The following PGGHG variants were observed in gnomAD, a reference collection of about 807,000 sequenced individuals.
PGGHG encodes ATH1, acid trehalase-like 1.
Under a neutral mutation model 74.5 loss-of-function variants are expected in PGGHG, and 67 were observed. The observed-to-expected ratio is 0.90, with a 90% confidence interval of 0.74 to 1.10. The LOEUF (loss-of-function observed/expected upper bound fraction) is 1.10, where lower values mean the gene tolerates loss of function less well. PGGHG is among the 50% of genes least tolerant of loss of function. The pLI is 0.00. For synonymous variants in PGGHG, 496 were observed against 419.9 expected (o/e 1.18, Z -2.21); for missense variants, 1,034 against 981.5 (o/e 1.05, Z -0.72).
rs1249244188 is a variant in PGGHG, at chr11:289,540, G to A, written c.-13-264G>A. 1 of 511,858 alleles carries A rather than the reference G, an allele frequency of 2.0e-6. No homozygotes were observed. Among genetic ancestry groups the A allele is most frequent in the East Asian group, 3.3e-5 (1 of 30,102 alleles). 31.7% of individuals were successfully genotyped at this position (511,858 alleles called of 1,614,324 possible). A position where few individuals can be genotyped will look rare whatever the true frequency, so the allele number is the denominator to read the frequency against. On this transcript the variant is annotated intron_variant, in intron 1 of 13. Coordinates refer to ENST00000409548, the MANE Select transcript of PGGHG (RefSeq NM_025092.5). The surrounding 1 kb of genome is among the most constrained non-coding windows in gnomAD (Gnocchi z 5.6). ...CGTTTGGAAAGCAGGGTTAGGACTG[G>A]AATTCTAAGGTAGCAGGAGGGAGAG...
intron 2 of PGGHG, 45 bp from the exon 3 acceptor site, chr11:290,345 G>T (rs779493198): frequency 3.7e-5 from 56 of 1,518,368 alleles, no homozygotes; most frequent in Non-Finnish European, 4.7e-5. Flanking sequence ...GCCCCAGAGA[G>T]GCCATAGCTT....
chr11:291,905 C>T (rs796338598), intron 4 of PGGHG, 71 bp from the exon 5 acceptor site: 71 of 1,519,500 alleles, frequency 4.7e-5, no homozygotes, highest in Admixed American at 2.6e-4. Context: ...TCTGCCGGGG[C>T]GGAATGTGGC....
In PGGHG at chr11:294,629, C is replaced by T; in HGVS notation, c.2094C>T (p.Ser698=). ...CCCCGAAGCTGCCTGGAAGTTCCAG[C>T]TCCGAGTTCCCTGGGAGGACTTTTT... is the stretch of plus-strand genomic sequence containing the variant. The part of the protein sequence containing the change: ...MSPPKLPGSS[S]SEFPGRTFSD... Residue 698 remains serine (S), a synonymous_variant, in exon 14 of 14, where the codon AGC becomes AGT. Transcript: ENST00000409548. The T allele has an allele frequency of 5.3e-6, 8 of 1,518,160 alleles. No homozygotes were observed. The highest frequency in any genetic ancestry group is 7.1e-6 in the Non-Finnish European group (8 of 1,125,748). The allele number at this position is 1,518,160 out of a possible 1,614,324, so 94.0% of individuals were successfully genotyped here. A position where few individuals can be genotyped will look rare whatever the true frequency, so the allele number is the denominator to read the frequency against.
At chr11:291,813 A>T in intron 4 of PGGHG, 163 bp from the exon 5 acceptor site, 1 of 1,041,054 alleles carries the variant, frequency 9.6e-7, no homozygotes, top group Non-Finnish European at 1.3e-6. Context: ...GGCTGGAGAC[A>T]GAACTGGGTG....
At position 293,451 on chromosome 11, in the gene PGGHG, C is replaced by T. The variant is rs780523720; in HGVS notation, c.1429C>T (p.Pro477Ser). Residue 477 changes from proline to serine, a missense_variant, in exon 9 of 14, where the codon CCC becomes TCC. Physicochemically the swap from Pro to Ser is moderately conservative, Grantham distance 74 (BLOSUM62 -1). Transcript: ENST00000409548. Reference protein sequence around the residue: ...WLAVADKIKVPFDVEQNFHPE... With the variant: ...WLAVADKIKVSFDVEQNFHPE... The stretch of plus-strand genomic sequence containing the variant: ...GGCGGTGGCTGACAAGATCAAGGTA[C>T]CCTTTGACGTGGAGCAGAACTTCCA... 1 of 1,612,244 alleles carries T rather than the reference C, an allele frequency of 6.2e-7. No individual in the cohort carries two copies. Among genetic ancestry groups the T allele is most frequent in the African/African-American group, 1.3e-5 (1 of 75,032 alleles).
intron 2 of PGGHG, 93 bp downstream of exon 2, chr11:290,168 G>A: frequency 2.8e-6 from 4 of 1,446,064 alleles, no homozygotes; most frequent in Non-Finnish European, 3.6e-6. Context: ...CACCTCCTGA[G>A]TTTACACAGG....
At chr11:293,961 T>C (rs1162507062) in intron 11 of PGGHG, 36 bp downstream of exon 11, 3 of 1,600,544 alleles carry the variant, frequency 1.9e-6, no homozygotes, top group Non-Finnish European at 1.7e-6. Context: ...ACTGGGCCCC[T>C]TGTGGTGGGA....
intron 4 of PGGHG, chr11:291,460 C>T (rs1175073462): frequency 9.9e-6 from 3 of 303,596 alleles, no homozygotes; most frequent in Middle Eastern, 9.3e-4. Flanking sequence ...CCTATCAGGA[C>T]GGGGACCTGT....
chr11:293,520 A>G lies in PGGHG; in HGVS notation c.1480+18A>G, dbSNP rs1158754189. 5.6e-6 allele frequency: 9 copies of G among 1,611,704 alleles called. No homozygotes were observed. The highest frequency in any genetic ancestry group is 7.6e-6 in the Non-Finnish European group (9 of 1,179,832). On this transcript the variant is annotated intron_variant, in intron 9 of 13. Transcript: ENST00000409548. Reference sequence around the variant, plus strand: ...TGAGCCTGGTGAGTGGACCCCTTCAAGGGCTCCTCCCCTGCCGTCGAGACC... The same window carrying G: ...TGAGCCTGGTGAGTGGACCCCTTCAGGGGCTCCTCCCCTGCCGTCGAGACC...
rs11246057 is a variant in PGGHG, at chr11:295,808, A to G, written c.*1059A>G. 59,304 of 152,186 alleles carry G rather than the reference A, an allele frequency of 0.39. 11,749 individuals are homozygous for G. The highest frequency in any genetic ancestry group is 0.56 in the South Asian group (2,685 of 4,826). 9.4% of individuals were successfully genotyped at this position (152,186 alleles called of 1,614,324 possible). A position where few individuals can be genotyped will look rare whatever the true frequency, so the allele number is the denominator to read the frequency against. The stretch of plus-strand genomic sequence containing the variant: ...CGCCCAGCAACATGGCTCCCCTCGC[A>G]TCTGCATCTCCCTCCTGCTCTGGTG... On this transcript the variant is annotated 3_prime_UTR_variant, in exon 14 of 14. Transcript: ENST00000409548.
In PGGHG at chr11:290,954, CCTGCAG is replaced by C. The variant is rs1362876235; in HGVS notation, c.752_757del (p.Gln251_Leu252del). 3.1e-6 allele frequency: 5 copies of C among 1,612,766 alleles called. No homozygotes were observed. The East Asian group carries it at 6.7e-5, about 22-fold the overall frequency. On this transcript the variant is annotated inframe_deletion, in exon 4 of 14. Transcript: ENST00000409548. ...AATGTGGCTTGGACGTGGTGGGGCCCCTGCAGCTGCGCCAGGCCCTGCGTGGCTCCC... is the reference window on the plus strand; with the variant it reads ...AATGTGGCTTGGACGTGGTGGGGCCCCTGCGCCAGGCCCTGCGTGGCTCCC...
At position 293,209 on chromosome 11, in the gene PGGHG, G is replaced by A; in HGVS notation, c.1317G>A (p.Val439=). Residue 439 remains valine, a synonymous_variant, in exon 8 of 14, where the codon GTG becomes GTA. Transcript: ENST00000409548. The stretch of plus-strand genomic sequence containing the variant: ...ACCATTCAGGGGTCAACAACTCTGT[G>A]TACACCAACGTCCTGGTCCAGAACA... ...DEYHSGVNNS[V]YTNVLVQNSL... 6.2e-7 allele frequency: 1 copy of A among 1,613,774 alleles called. No homozygotes were observed. Among genetic ancestry groups the A allele is most frequent in the Non-Finnish European group, 8.5e-7 (1 of 1,179,992 alleles).
intron 8 of PGGHG, 63 bp downstream of exon 8, chr11:293,298 C>T: frequency 1.9e-6 from 3 of 1,602,000 alleles, no homozygotes; most frequent in East Asian, 2.2e-5. Flanking sequence ...TGCCCCGGTG[C>T]CCCCACTAGG....
intron 4 of PGGHG, 116 bp downstream of exon 4, chr11:291,229 G>T: frequency 1.6e-6 from 2 of 1,285,314 alleles, no homozygotes; most frequent in Non-Finnish European, 2.1e-6. Context: ...TGTGGCAAAA[G>T]GGAAGAGGCC....
chr11:291,442 T>G, intron 4 of PGGHG: 1 of 327,174 alleles, frequency 3.1e-6, no homozygotes, highest in Non-Finnish European at 5.6e-6. Flanking sequence ...CCAGTGGAGC[T>G]CCAGGGACCT....
chr11:294,278 C>G lies in PGGHG; in HGVS notation c.1820C>G (p.Ala607Gly). ...CTCTCCTCCCACAGGGTCACCCGAG[C>G]GGGTGTGACCTTTGACCCTGTGTGT... ...FGCTGFRVTR[A>G]GVTFDPVCLS... The change falls in exon 13 of 14, where the codon GCG (alanine) becomes GGG (glycine). Residue 607 changes from alanine to glycine, a missense_variant. Coordinates refer to ENST00000409548, the MANE Select transcript of PGGHG (RefSeq NM_025092.5). 6.2e-7 allele frequency: 1 copy of G among 1,606,124 alleles called. No individual in the cohort carries two copies. Among genetic ancestry groups the G allele is most frequent in the South Asian group, 1.1e-5 (1 of 89,910 alleles).
In PGGHG at chr11:290,593, G is replaced by A. The variant is rs1042583406; in HGVS notation, c.463G>A (p.Gly155Arg). Reference protein sequence around the residue: ...LDLHQGPDFQGARYLYGHTLT... With the variant: ...LDLHQGPDFQRARYLYGHTLT... ...CCTGCATCAGGGTCCTGACTTCCAG[G>A]GAGCCCGGTAAGGAGGGGGCTGGAT... The change falls in exon 3 of 14, where the codon GGA becomes AGA. Residue 155 changes from glycine to arginine, a missense_variant. Gly to Arg is a moderately radical substitution (Grantham distance 125, BLOSUM62 -2). Transcript: ENST00000409548. 6.4e-7 allele frequency: 1 copy of A among 1,563,396 alleles called. No homozygotes were observed. Among genetic ancestry groups the A allele is most frequent in the Non-Finnish European group, 8.7e-7 (1 of 1,154,224 alleles).
rs1002903371 is a variant in PGGHG at position 290,048 on chromosome 11, G to A, written c.232G>A (p.Glu78Lys). 33 of 1,540,210 alleles carry A rather than the reference G, an allele frequency of 2.1e-5. No individual in the cohort carries two copies. In the African/African-American group the frequency reaches 2.5e-4, roughly 12 times the overall value. Reference sequence around the variant, plus strand: ...TGCAGGGATGGGGGAGCAGCTGACCGAGACCTTCGCCCTGGACACCAACAC... The same window carrying A: ...TGCAGGGATGGGGGAGCAGCTGACCAAGACCTTCGCCCTGGACACCAACAC... ...APAGMGEQLTETFALDTNTGS... is the reference protein window; with the variant it reads ...APAGMGEQLTKTFALDTNTGS... Residue 78 changes from glutamate (E) to lysine (K), a missense_variant, in exon 2 of 14, where the codon GAG becomes AAG. Glu to Lys is a moderately conservative substitution (Grantham distance 56, BLOSUM62 1). Transcript: ENST00000409548.
chr11:289,153 G>A lies in PGGHG; in HGVS notation c.-100G>A, dbSNP rs1167322159. Reference sequence around the variant, plus strand: ...GGACCTTCCTGGTGGCGCGGCAGCCGGGCGGCTCCTCCTTCCTCCCGGCCC... The same window carrying A: ...GGACCTTCCTGGTGGCGCGGCAGCCAGGCGGCTCCTCCTTCCTCCCGGCCC... On this transcript the variant is annotated 5_prime_UTR_variant, in exon 1 of 14. Coordinates refer to ENST00000409548, the MANE Select transcript of PGGHG (RefSeq NM_025092.5). This position sits in a 1 kb window ranked among gnomAD's most constrained non-coding sequence, Gnocchi z 5.6. 4 of 150,738 alleles carry A rather than the reference G, an allele frequency of 2.7e-5. No homozygotes were observed. Among genetic ancestry groups the A allele is most frequent in the African/African-American group, 7.3e-5 (3 of 41,208 alleles). The allele number at this position is 150,738 out of a possible 1,614,324, so 9.3% of individuals were successfully genotyped here. A position where few individuals can be genotyped will look rare whatever the true frequency, so the allele number is the denominator to read the frequency against.
Sources: allele counts gnomAD v4.1 joint callset, GRCh38; gene constraint gnomAD v4.1.1; non-coding constraint Gnocchi (gnomAD v3.1); transcripts MANE v1.5; gene names NCBI Gene and HGNC (gene_info 2026-07-23, HGNC 2026-07-21).